The following ABCC1 variants were observed in gnomAD, a reference collection of about 807,000 sequenced individuals.
ABCC1 encodes ATP binding cassette subfamily C member 1 (ABCC1 blood group).
In ABCC1, 83 loss-of-function variants were observed where a neutral mutation model predicts 172.9. The observed-to-expected ratio is 0.48, with a 90% CI of 0.40 to 0.58. ABCC1 has a LOEUF of 0.58. Ranked by LOEUF, ABCC1 falls within the 20% of genes least tolerant of loss-of-function variation. The pLI, the probability that ABCC1 is intolerant of heterozygous loss-of-function variation, is 0.00. For synonymous variants in ABCC1, 937 were observed against 825.2 expected, an observed-to-expected ratio of 1.14 and a Z score of -2.32; for missense variants, 1,817 against 2,002.7, an observed-to-expected ratio of 0.91 and a Z score of 1.77.
chr16:16,066,515 T>C (rs2050118789), intron 12 of ABCC1, among the ~76,000 whole-genome samples: 1 of 152,154 alleles, frequency 6.6e-6, no homozygotes, highest in Admixed American at 6.5e-5. Context: ...GTTTTCAAGG[T>C]TTATCCATGT....
intron 1 of ABCC1, among the ~76,000 whole-genome samples, chr16:15,954,344 T>C (rs976668154): frequency 1.3e-5 from 2 of 152,094 alleles, no homozygotes; most frequent in African/African-American, 4.8e-5. Context: ...TTCCCCCTTT[T>C]TGGCTGCCCC....
chr16:16,000,301 A>G lies in ABCC1; in HGVS notation c.49-7515A>G, dbSNP rs1327763190. 2.0e-5 allele frequency among the ~76,000 whole-genome samples: 3 copies of G among 151,864 alleles called. 1 individual carries two copies. Among genetic ancestry groups the G allele is most frequent in the Middle Eastern group, 6.3e-3 (2 of 316 alleles). ...AGCTGGGATTATAGGCGAGTTCACC[A>G]TGCCTGGCTAATTTTTGTGTTTCTA... On this transcript the variant is annotated intron_variant, in intron 1 of 30. Coordinates refer to ENST00000399410, the MANE Select transcript of ABCC1 (RefSeq NM_004996.4).
chr16:15,964,458 C>A (rs998388565), intron 1 of ABCC1, among the ~76,000 whole-genome samples: 1 of 152,108 alleles, frequency 6.6e-6, no homozygotes, highest in South Asian at 2.1e-4. Context: ...CCCATGATGT[C>A]CCTTCCCTAA....
At position 15,999,808 on chromosome 16, in the gene ABCC1, T is replaced by TCTCTCTCTCC. The variant is rs1567298814; in HGVS notation, c.49-8007_49-8006insTCTCTCTCCC. Among the ~76,000 whole-genome samples the TCTCTCTCTCC allele has an allele frequency of 5.0e-4, 6 of 11,894 alleles. 1 individual carries two copies. Among genetic ancestry groups the TCTCTCTCTCC allele is most frequent in the Non-Finnish European group, 2.8e-4 (1 of 3,528 alleles). The allele number at this position is 11,894 out of a possible 152,430, so 7.8% of individuals were successfully genotyped here. On this transcript the variant is annotated intron_variant, in intron 1 of 30. Coordinates refer to ENST00000399410, the MANE Select transcript of ABCC1 (RefSeq NM_004996.4). Reference sequence around the variant, plus strand: ...CTCTCTCTCTCTCTCTCTCTCTCTCTCCTCTCTCTCTCTCTCTCTCTCTCT... The same window carrying TCTCTCTCTCC: ...CTCTCTCTCTCTCTCTCTCTCTCTCTCTCTCTCTCCCCTCTCTCTCTCTCTCTCTCTCTCT...
chr16:15,965,923 A>G (rs1016108668), intron 1 of ABCC1, among the ~76,000 whole-genome samples: 1 of 152,136 alleles, frequency 6.6e-6, no homozygotes, highest in African/African-American at 2.4e-5. Flanking sequence ...ACTGTCCTGA[A>G]TACCACATGG....
chr16:16,012,073 A>T (rs1184304790), intron 3 of ABCC1, among the ~76,000 whole-genome samples: 1 of 152,184 alleles, frequency 6.6e-6, no homozygotes, highest in East Asian at 1.9e-4. Context: ...AAGTGCTAGG[A>T]TTATAGGTGT....
chr16:16,120,809 G>C (rs558284601), intron 23 of ABCC1, among the ~76,000 whole-genome samples: 18 of 152,166 alleles, frequency 1.2e-4, no homozygotes, highest in Non-Finnish European at 2.4e-4. Flanking sequence ...CCATCGGAGG[G>C]GGGTGACGAG....
In ABCC1 at chr16:16,044,432, C is replaced by A. The variant is rs1314632166; in HGVS notation, c.810-18C>A. On this transcript the variant is annotated intron_variant, in intron 7 of 30. Coordinates refer to ENST00000399410, the MANE Select transcript of ABCC1 (RefSeq NM_004996.4). ...TCTCTGGCAGACCCCACAACGGCTT[C>A]ACCTCCTTGTGTTCCAGGCAGCCGG... The A allele has an allele frequency of 3.1e-6, 5 of 1,609,768 alleles. No individual in the cohort carries two copies. The highest frequency in any genetic ancestry group is 3.4e-6 in the Non-Finnish European group (4 of 1,176,718).
chr16:16,068,812 C>G (rs958577796), intron 13 of ABCC1, among the ~76,000 whole-genome samples: 2 of 151,922 alleles, frequency 1.3e-5, no homozygotes, highest in Middle Eastern at 3.4e-3. Context: ...CATAGTGCAA[C>G]CTCATCTCTA....
Position 16,048,123 on chromosome 16 carries a change from CCT to C in ABCC1, c.1219-15_1219-14del. On this transcript the variant is annotated splice_polypyrimidine_tract_variant and intron_variant, in intron 9 of 30. Transcript: ENST00000399410. Reference sequence around the variant, plus strand: ...TCAGCTGCCACACTCACCCACCTTCCCTCTCCTTTGTCCCACAGGCCCTGGTG... The same window carrying C: ...TCAGCTGCCACACTCACCCACCTTCCCTCCTTTGTCCCACAGGCCCTGGTG... 6.2e-7 allele frequency: 1 copy of C among 1,613,738 alleles called. No individual in the cohort carries two copies. The highest frequency in any genetic ancestry group is 8.5e-7 in the Non-Finnish European group (1 of 1,179,822).
rs114689307 is a variant in ABCC1, at chr16:15,986,682, C to T, written c.49-21134C>T. Among the ~76,000 whole-genome samples, 320 of 152,298 alleles carry T rather than the reference C, an allele frequency of 2.1e-3. 1 individual carries two copies. Among genetic ancestry groups the T allele is most frequent in the African/African-American group, 7.2e-3 (299 of 41,546 alleles). On this transcript the variant is annotated intron_variant, in intron 1 of 30. Transcript: ENST00000399410. The stretch of plus-strand genomic sequence containing the variant: ...GGACCTCTGATCTGGGACATTCTCC[C>T]CATTCCAAAGTCCTTAATGATACCT...
chr16:16,055,208 T>A (rs920760340), intron 11 of ABCC1, among the ~76,000 whole-genome samples: 2 of 150,796 alleles, frequency 1.3e-5, no homozygotes, highest in Admixed American at 1.3e-4. Context: ...CCAGCCTGGA[T>A]GCCAGAGTGA....
intron 1 of ABCC1, among the ~76,000 whole-genome samples, chr16:15,991,502 T>C (rs1052077110): frequency 2.1e-4 from 32 of 152,072 alleles, no homozygotes; most frequent in Non-Finnish European, 5.9e-5. Flanking sequence ...TCTCGGCTCT[T>C]CTGGGGGCTT....
intron 23 of ABCC1, among the ~76,000 whole-genome samples, chr16:16,118,424 C>CTTTTTTT (rs34770208): frequency 1.9e-5 from 2 of 106,000 alleles, no homozygotes; most frequent in Admixed American, 1.1e-4. Context: ...TTGGTGCCAG[C>CTTTTTTT]TTTTTTTTTT....
chr16:16,010,629 C>G (rs934370857), intron 3 of ABCC1, among the ~76,000 whole-genome samples: 1 of 152,170 alleles, frequency 6.6e-6, no homozygotes, highest in Non-Finnish European at 1.5e-5. Flanking sequence ...AAGGAAACAA[C>G]TTTATTAATT....
At chr16:16,075,746 G>A (rs749705116) in intron 14 of ABCC1, among the ~76,000 whole-genome samples, 3 of 152,098 alleles carry the variant, frequency 2.0e-5, no homozygotes, top group Non-Finnish European at 4.4e-5. Context: ...TGAGTTTATC[G>A]TGATGGATGT....
chr16:15,971,216 A>T (rs755918536), intron 1 of ABCC1, among the ~76,000 whole-genome samples: 5 of 152,168 alleles, frequency 3.3e-5, no homozygotes, highest in Non-Finnish European at 5.9e-5. Flanking sequence ...TTGACTAGGC[A>T]TGTCTTTCAC....
chr16:15,963,049 G>C (rs2046170554), intron 1 of ABCC1, among the ~76,000 whole-genome samples: 1 of 152,232 alleles, frequency 6.6e-6, no homozygotes, highest in South Asian at 2.1e-4. Context: ...AGATACAATG[G>C]GGGTACAGGC....
chr16:15,952,587 C>CT (rs1235494060), intron 1 of ABCC1, among the ~76,000 whole-genome samples: 2 of 151,840 alleles, frequency 1.3e-5, no homozygotes, highest in Non-Finnish European at 2.9e-5. Flanking sequence ...AAAATAGGGC[C>CT]TGAGGACAGG....
Sources: allele counts gnomAD v4.1 joint callset (sites outside exome capture counted in the v4.1 genomes callset), GRCh38; gene constraint gnomAD v4.1.1; transcripts MANE v1.5; gene names NCBI Gene and HGNC (gene_info 2026-07-23, HGNC 2026-07-21).